Variants in PPFIA4 observed in about 807,000 individuals in gnomAD.
The protein encoded by PPFIA4 is PPFI scaffold protein A4.
A neutral mutation model predicts 145.7 loss-of-function variants in PPFIA4; 98 were observed. That is an observed-to-expected ratio of 0.67 (90% CI 0.57 to 0.80). The LOEUF is 0.80. PPFIA4 is among the 30% of genes least tolerant of loss of function. The pLI is 0.00. For missense variants in PPFIA4, 1,457 were observed against 1,632.7 expected (o/e 0.89, Z 1.85); for synonymous variants, 628 against 649.6 (o/e 0.97, Z 0.51).
In PPFIA4 at chr1:203,068,790, C is replaced by T. The variant is rs980975864; in HGVS notation, c.3324+162C>T. 6.6e-5 allele frequency among the ~76,000 whole-genome samples: 10 copies of T among 152,238 alleles called. No individual in the cohort carries two copies. Among genetic ancestry groups the T allele is most frequent in the Admixed American group, 2.0e-4 (3 of 15,296 alleles). On this transcript the variant is annotated intron_variant, in intron 27 of 29. Transcript: ENST00000295706. The surrounding 1 kb of genome is among the most constrained non-coding windows in gnomAD (Gnocchi z 4.7). ...CAATGTCCTCAATTCTCCAAGTGAT[C>T]GCTGTGCATAAGCAAGCCCTCATGG...
At chr1:203,044,607 T>G (rs1463133336) in intron 5 of PPFIA4, 89 bp from the exon 6 acceptor site, 14 of 1,424,420 alleles carry the variant, frequency 9.8e-6, no homozygotes, top group African/African-American at 4.3e-5. Context: ...GAGACATTTT[T>G]TAACTAAGAC....
At chr1:203,037,900 A>G (rs987229048) in intron 1 of PPFIA4, among the ~76,000 whole-genome samples, 4 of 152,182 alleles carry the variant, frequency 2.6e-5, no homozygotes, top group Admixed American at 6.5e-5. Context: ...GTGAACTCCG[A>G]ATCCAAGCCT....
At chr1:203,073,482 G>C (rs1248168322) in intron 28 of PPFIA4, among the ~76,000 whole-genome samples, 3 of 152,166 alleles carry the variant, frequency 2.0e-5, no homozygotes, top group African/African-American at 7.2e-5. Flanking sequence ...TAGAAGCCAG[G>C]TCCTGAGAAT....
chr1:203,067,360 T>TC, intron 25 of PPFIA4: 1 of 282,422 alleles, frequency 3.5e-6, no homozygotes, highest in South Asian at 5.5e-5. Flanking sequence ...TTTTTGCTTT[T>TC]CCTTCCACTT....
intron 21 of PPFIA4, 117 bp downstream of exon 21, chr1:203,059,968 G>A: frequency 1.1e-6 from 1 of 908,284 alleles, no homozygotes; most frequent in South Asian, 1.4e-5. Context: ...AAGTGGAAGT[G>A]TGCCATACCT....
chr1:203,061,384 T>G, intron 23 of PPFIA4: 1 of 518,554 alleles, frequency 1.9e-6, no homozygotes, highest in Non-Finnish European at 3.4e-6. Flanking sequence ...GAATGGGGAG[T>G]GTTGGGAGAG....
intron 1 of PPFIA4, among the ~76,000 whole-genome samples, chr1:203,028,777 G>A (rs1658617590): frequency 6.6e-6 from 1 of 152,012 alleles, no homozygotes; most frequent in Non-Finnish European, 1.5e-5. Flanking sequence ...GGAATTGAGA[G>A]AAATGGAGGG....
chr1:203,052,053 C>CCCCCCA (rs767423966), intron 14 of PPFIA4, among the ~76,000 whole-genome samples, 176 bp downstream of exon 14: 10 of 145,702 alleles, frequency 6.9e-5, no homozygotes, highest in Admixed American at 2.7e-4. Context: ...GTGCCCCCCC[C>CCCCCCA]CCCGCTTGCC....
chr1:203,067,029 A>G (rs1351710548), intron 25 of PPFIA4, among the ~76,000 whole-genome samples: 1 of 152,220 alleles, frequency 6.6e-6, no homozygotes, highest in Non-Finnish European at 1.5e-5. Context: ...AATCGGATGA[A>G]CAACGTGACT....
Position 203,055,330 on chromosome 1 carries a change from C to A in PPFIA4, c.1830-102C>A. 6.7e-7 allele frequency: 1 copy of A among 1,484,468 alleles called. No individual in the cohort carries two copies. Among genetic ancestry groups the A allele is most frequent in the Non-Finnish European group, 9.3e-7 (1 of 1,073,960 alleles). The allele number at this position is 1,484,468 out of a possible 1,614,324, so 92.0% of individuals were successfully genotyped here. The stretch of plus-strand genomic sequence containing the variant: ...ACAGACAAAGCCTGGCGGGTGTACA[C>A]CGCATGTGGTCCTTGGTGGCGAGTG... On this transcript the variant is annotated intron_variant, in intron 15 of 29. Transcript: ENST00000295706. This position sits in a 1 kb window ranked among gnomAD's most constrained non-coding sequence, Gnocchi z 4.8.
chr1:203,061,529 T>TC, intron 23 of PPFIA4, 123 bp from the exon 24 acceptor site: 1 of 1,002,652 alleles, frequency 1.0e-6, no homozygotes, highest in Non-Finnish European at 1.4e-6. Context: ...TGACGAGCTT[T>TC]CCCCAGTCAC....
intron 2 of PPFIA4, among the ~76,000 whole-genome samples, chr1:203,042,645 T>C (rs1336913066): frequency 6.6e-6 from 1 of 152,208 alleles, no homozygotes; most frequent in East Asian, 1.9e-4. Context: ...TTTATTTATT[T>C]TTATTTTTCG....
chr1:203,063,878 A>G lies in PPFIA4; in HGVS notation c.2925A>G (p.Leu975=), dbSNP rs781621239. 1.2e-6 allele frequency: 2 copies of G among 1,613,994 alleles called. No homozygotes were observed. Among genetic ancestry groups the G allele is most frequent in the African/African-American group, 1.3e-5 (1 of 75,042 alleles). The change falls in exon 25 of 30, where the codon CTA becomes CTG. Residue 975 remains leucine, a synonymous_variant. Transcript: ENST00000295706. ...MNHEWIGNEW[L]PSLGLPQYRS... ...ATGAGTGGATTGGGAATGAATGGCT[A>G]CCCAGCCTGGGGCTCCCGCAGTACC...
chr1:203,068,415 G>T lies in PPFIA4; in HGVS notation c.3149-38G>T, dbSNP rs758881513. On this transcript the variant is annotated intron_variant, in intron 26 of 29. Coordinates refer to ENST00000295706, the MANE Select transcript of PPFIA4 (RefSeq NM_001304331.2). This position sits in a 1 kb window ranked among gnomAD's most constrained non-coding sequence, Gnocchi z 4.7. Reference sequence around the variant, plus strand: ...CTTGGAGGGCCCTTGATGAAACGTAGTATCTCCTTCCGTCCCTTTTCTTCC... The same window carrying T: ...CTTGGAGGGCCCTTGATGAAACGTATTATCTCCTTCCGTCCCTTTTCTTCC... 38 of 1,534,752 alleles carry T rather than the reference G, an allele frequency of 2.5e-5. No homozygotes were observed. The highest frequency in any genetic ancestry group is 3.2e-5 in the Non-Finnish European group (36 of 1,130,896).
chr1:203,048,428 G>A lies in PPFIA4; in HGVS notation c.1224+118G>A, dbSNP rs938094309. Reference sequence around the variant, plus strand: ...GCCAGGGACACAGCCACAGAGAGTGGGAGGAGGCTGGCAGGTGAAGGGGGA... The same window carrying A: ...GCCAGGGACACAGCCACAGAGAGTGAGAGGAGGCTGGCAGGTGAAGGGGGA... On this transcript the variant is annotated intron_variant, in intron 10 of 29. Transcript: ENST00000295706. This position sits in a 1 kb window ranked among gnomAD's most constrained non-coding sequence, Gnocchi z 5.8. 18 of 1,459,514 alleles carry A rather than the reference G, an allele frequency of 1.2e-5. No homozygotes were observed. The highest frequency in any genetic ancestry group is 2.5e-5 in the East Asian group (1 of 40,664). The allele number at this position is 1,459,514 out of a possible 1,614,324, so 90.4% of individuals were successfully genotyped here.
Position 203,044,440 on chromosome 1 carries a change from G to T in PPFIA4, c.563G>T (p.Gly188Val). 2 of 1,551,166 alleles carry T rather than the reference G, an allele frequency of 1.3e-6. No individual in the cohort carries two copies. The highest frequency in any genetic ancestry group is 1.7e-6 in the Non-Finnish European group (2 of 1,147,334). ...RVTTLEEQLA[G>V]AHQQVSALQQ... ...ACCACCTTGGAGGAGCAGCTGGCAGGTGCCCACCAGCAGGTAATCTGCCTG... is the reference window on the plus strand; with the variant it reads ...ACCACCTTGGAGGAGCAGCTGGCAGTTGCCCACCAGCAGGTAATCTGCCTG... The change falls in exon 5 of 30, where the codon GGT (glycine) becomes GTT (valine). Residue 188 changes from glycine (G) to valine (V), a missense_variant. By Grantham distance (109) the Gly-to-Val change is moderately radical. Coordinates refer to ENST00000295706, the MANE Select transcript of PPFIA4 (RefSeq NM_001304331.2).
chr1:203,048,262 G>A lies in PPFIA4; in HGVS notation c.1176G>A (p.Leu392=), dbSNP rs781237512. The change falls in exon 10 of 30, where the codon CTG becomes CTA. Residue 392 remains leucine, a synonymous_variant. Transcript: ENST00000295706. The surrounding 1 kb of genome is among the most constrained non-coding windows in gnomAD (Gnocchi z 5.8). ...EERHGNIEEH[L]RQLEGQLEEK... is the part of the protein sequence containing the mutation. ...GGCATGGCAACATTGAGGAGCACCT[G>A]CGGCAGCTGGAGGGACAGCTGGAGG... is the stretch of plus-strand genomic sequence containing the variant. The A allele has an allele frequency of 7.4e-6, 12 of 1,612,884 alleles. No individual in the cohort carries two copies. In the South Asian group the frequency reaches 1.3e-4, roughly 18 times the overall value.
Position 203,043,431 on chromosome 1 carries a change from G to A in PPFIA4, c.269G>A (p.Cys90Tyr), listed in dbSNP as rs1210581201. Residue 90 changes from cysteine to tyrosine, a missense_variant, in exon 3 of 30, where the codon TGT becomes TAT. Cys to Tyr is a radical substitution (Grantham distance 194). Transcript: ENST00000295706. The surrounding 1 kb of genome is among the most constrained non-coding windows in gnomAD (Gnocchi z 4.4). ...ACCTTAACCCGGGAGCTGAGCATGTGTCGGGAGCAGCTTCTAGAGCGGGAG... is the reference window on the plus strand; with the variant it reads ...ACCTTAACCCGGGAGCTGAGCATGTATCGGGAGCAGCTTCTAGAGCGGGAG... Reference protein sequence around the residue: ...FATLTRELSMCREQLLEREEE... With the variant: ...FATLTRELSMYREQLLEREEE... 6.2e-7 allele frequency: 1 copy of A among 1,611,694 alleles called. No homozygotes were observed. The highest frequency in any genetic ancestry group is 8.5e-7 in the Non-Finnish European group (1 of 1,179,380).
At chr1:203,046,084 T>C in intron 8 of PPFIA4, 97 bp downstream of exon 8, 1 of 1,575,828 alleles carries the variant, frequency 6.3e-7, no homozygotes, top group Non-Finnish European at 8.7e-7. Flanking sequence ...CCTGGGGTCC[T>C]GCAGGTCACC....
Sources: allele counts gnomAD v4.1 joint callset (sites outside exome capture counted in the v4.1 genomes callset), GRCh38; gene constraint gnomAD v4.1.1; non-coding constraint Gnocchi (gnomAD v3.1); transcripts MANE v1.5; gene names NCBI Gene and HGNC (gene_info 2026-07-23, HGNC 2026-07-21).